The following FBXL5 variants were observed in gnomAD, a reference collection of about 807,000 sequenced individuals.
The protein encoded by FBXL5 is F-box/LRR-repeat protein 5.
Under a neutral mutation model 78.3 loss-of-function variants are expected in FBXL5, and 26 were observed. The observed-to-expected ratio is 0.33, with a 90% CI of 0.24 to 0.46. The LOEUF (loss-of-function observed/expected upper bound fraction) is 0.46, where lower values mean the gene tolerates loss of function less well. FBXL5 is among the 20% of genes least tolerant of loss of function. The probability of loss-of-function intolerance (pLI) is 1.00; values close to 1 mark genes in which losing one functional copy is unlikely to be tolerated. For missense variants in FBXL5, 710 were observed against 829.2 expected, an observed-to-expected ratio of 0.86 and a Z score of 1.77; for synonymous variants, 295 against 282.5, an observed-to-expected ratio of 1.04 and a Z score of -0.45.
At chr4:15,608,183 T>C (rs772876139) in intron 10 of FBXL5, among the ~76,000 whole-genome samples, 3 of 152,058 alleles carry the variant, frequency 2.0e-5, no homozygotes, top group Non-Finnish European at 4.4e-5. Context: ...ATTTCAACAG[T>C]AGCCTAAGAA....
chr4:15,655,530 G>T (rs978413822), upstream of FBXL5: 16 of 275,932 alleles, frequency 5.8e-5, no homozygotes, highest in African/African-American at 3.0e-4. Context: ...CACTCTTTTC[G>T]TTTTTTGTCG....
At chr4:15,618,424 CCAAACTGAT>C (rs1266312286) in intron 9 of FBXL5, among the ~76,000 whole-genome samples, 1 of 151,952 alleles carries the variant, frequency 6.6e-6, no homozygotes, top group African/African-American at 2.4e-5. Flanking sequence ...CAAGAAATAC[CCAAACTGAT>C]CAAGAAGAAA....
intron 9 of FBXL5, among the ~76,000 whole-genome samples, chr4:15,615,314 A>T (rs1286602029): frequency 3.3e-5 from 5 of 152,094 alleles, no homozygotes; most frequent in African/African-American, 1.2e-4. Context: ...ACGGCGCGGG[A>T]CTGGCAGGCA....
At chr4:15,607,601 T>C (rs1721976430) in intron 10 of FBXL5, among the ~76,000 whole-genome samples, 1 of 152,130 alleles carries the variant, frequency 6.6e-6, no homozygotes, top group South Asian at 2.1e-4. Flanking sequence ...CCTTTGAATA[T>C]AATGCCAGCT....
chr4:15,620,749 G>A (rs777082471), intron 9 of FBXL5, among the ~76,000 whole-genome samples: 6 of 152,232 alleles, frequency 3.9e-5, no homozygotes, highest in African/African-American at 9.6e-5. Context: ...CTGGAAGGTC[G>A]GGGGTTTACG....
At chr4:15,610,180 T>TGAC (rs1722154399) in intron 10 of FBXL5, among the ~76,000 whole-genome samples, 3 of 152,204 alleles carry the variant, frequency 2.0e-5, no homozygotes, top group Admixed American at 6.5e-5. Flanking sequence ...TTTTGAAAGA[T>TGAC]ACTGGAACAA....
At chr4:15,666,879 A>T (rs1430909143) in intron 1 of FBXL5, among the ~76,000 whole-genome samples, 1 of 152,194 alleles carries the variant, frequency 6.6e-6, no homozygotes. Flanking sequence ...ATTAAAAAAA[A>T]AAAGACAGGC....
intron 5 of FBXL5, among the ~76,000 whole-genome samples, chr4:15,632,802 G>T (rs897259980): frequency 1.3e-5 from 2 of 152,104 alleles, no homozygotes; most frequent in Admixed American, 6.5e-5. Context: ...AAGGAGATTT[G>T]GGGCTGAGAT....
chr4:15,662,853 T>C (rs1717378522), upstream of FBXL5, among the ~76,000 whole-genome samples: 1 of 152,182 alleles, frequency 6.6e-6, no homozygotes, highest in African/African-American at 2.4e-5. Flanking sequence ...GGCTAAACAT[T>C]ATTCCCAGAT....
At chr4:15,669,921 C>T (rs931799415) in intron 1 of FBXL5, among the ~76,000 whole-genome samples, 5 of 152,096 alleles carry the variant, frequency 3.3e-5, no homozygotes, top group African/African-American at 9.7e-5. Flanking sequence ...GTTAAAGGGG[C>T]GGTAATCACC....
chr4:15,622,705 G>T (rs186070830), intron 9 of FBXL5, among the ~76,000 whole-genome samples: 1 of 152,200 alleles, frequency 6.6e-6, no homozygotes, highest in African/African-American at 2.4e-5. Flanking sequence ...AAGAAATGTA[G>T]TAGGTGCTCA....
chr4:15,637,896 T>A (rs1714448053), intron 4 of FBXL5, among the ~76,000 whole-genome samples: 1 of 126,928 alleles, frequency 7.9e-6, no homozygotes. Flanking sequence ...GAGGAACTAG[T>A]TTTTTTAAAA....
intron 9 of FBXL5, among the ~76,000 whole-genome samples, chr4:15,623,335 A>G (rs1457535920): frequency 5.3e-5 from 8 of 152,140 alleles, no homozygotes; most frequent in Admixed American, 1.3e-4. Context: ...GTTTTTTAAA[A>G]CATCCTAAAA....
chr4:15,613,096 G>C (rs1465181592), intron 9 of FBXL5, among the ~76,000 whole-genome samples: 2 of 152,044 alleles, frequency 1.3e-5, no homozygotes, highest in African/African-American at 2.4e-5. Context: ...AGATACTAAA[G>C]GCCACATATT....
chr4:15,667,079 C>T (rs774281277), intron 1 of FBXL5, among the ~76,000 whole-genome samples: 3 of 152,070 alleles, frequency 2.0e-5, no homozygotes, highest in Non-Finnish European at 4.4e-5. Flanking sequence ...CATATTTGTA[C>T]CCATTACAAA....
chr4:15,606,870 T>C (rs1560206035), intron 10 of FBXL5, among the ~76,000 whole-genome samples: 2 of 152,214 alleles, frequency 1.3e-5, no homozygotes, highest in Admixed American at 1.3e-4. Flanking sequence ...TAAATTTACT[T>C]TTTATTTTCT....
At chr4:15,636,710 G>T (rs200047572) in intron 4 of FBXL5, 34 bp from the exon 5 acceptor site, 63 of 1,441,954 alleles carry the variant, frequency 4.4e-5, no homozygotes, top group Non-Finnish European at 5.4e-5. Flanking sequence ...ACCAGTAAAG[G>T]CTAAAGAGCA....
At chr4:15,635,771 A>AC (rs1403673380) in intron 5 of FBXL5, among the ~76,000 whole-genome samples, 1 of 151,784 alleles carries the variant, frequency 6.6e-6, no homozygotes, top group African/African-American at 2.4e-5. Flanking sequence ...GAAAAAAAAA[A>AC]AAAAAAAACT....
At chr4:15,652,771 T>C (rs1716263567) in intron 1 of FBXL5, among the ~76,000 whole-genome samples, 1 of 152,200 alleles carries the variant, frequency 6.6e-6, no homozygotes, top group Non-Finnish European at 1.5e-5. Flanking sequence ...AGTAACTGAC[T>C]TCTTGATAAT....
Sources: allele counts gnomAD v4.1 joint callset (sites outside exome capture counted in the v4.1 genomes callset), GRCh38; gene constraint gnomAD v4.1.1; transcripts MANE v1.5; gene names NCBI Gene and HGNC (gene_info 2026-07-23, HGNC 2026-07-21).